Variants in RABGAP1L observed in about 807,000 individuals in gnomAD.
The protein encoded by RABGAP1L is rab GTPase-activating protein 1-like.
A neutral mutation model predicts 137.7 loss-of-function variants in RABGAP1L; 63 were observed. The observed-to-expected ratio is 0.46, with a 90% CI of 0.37 to 0.56. The LOEUF (loss-of-function observed/expected upper bound fraction) is 0.56, where lower values mean the gene tolerates loss of function less well. Among genes scored for constraint, RABGAP1L ranks in the 20% least tolerant of loss-of-function variants. The pLI is 0.00. For missense variants in RABGAP1L, 1,095 were observed against 1,244.0 expected (o/e 0.88, Z 1.80); for synonymous variants, 431 against 433.7 (o/e 0.99, Z 0.08).
intron 13 of RABGAP1L, among the ~76,000 whole-genome samples, chr1:174,621,539 A>T (rs1352443777): frequency 6.6e-6 from 1 of 152,232 alleles, no homozygotes; most frequent in Non-Finnish European, 1.5e-5. Context: ...GAGCCCTCAG[A>T]AGTAACACGG....
chr1:174,815,067 C>G (rs1339327066), intron 19 of RABGAP1L, among the ~76,000 whole-genome samples: 1 of 152,170 alleles, frequency 6.6e-6, no homozygotes, highest in East Asian at 1.9e-4. Flanking sequence ...CTGACCACAA[C>G]CCACTAAATC....
intron 14 of RABGAP1L, among the ~76,000 whole-genome samples, chr1:174,671,963 A>T (rs897674949): frequency 6.6e-6 from 1 of 152,114 alleles, no homozygotes; most frequent in African/African-American, 2.4e-5. Context: ...TTTTGTTGAT[A>T]GGAGACTTTT....
At chr1:174,891,863 A>G (rs1043730356) in intron 19 of RABGAP1L, among the ~76,000 whole-genome samples, 1 of 152,202 alleles carries the variant, frequency 6.6e-6, no homozygotes, top group East Asian at 1.9e-4. Context: ...TATGTTGACT[A>G]TAGAAAATTT....
intron 13 of RABGAP1L, among the ~76,000 whole-genome samples, chr1:174,520,260 A>G (rs943088118): frequency 7.9e-5 from 12 of 152,248 alleles, no homozygotes; most frequent in Non-Finnish European, 1.5e-5. Context: ...AAGCAATTCC[A>G]AGTATTGACT....
At chr1:174,989,817 T>C (rs1042705886) in intron 25 of RABGAP1L, 32 bp from the exon 26 acceptor site, 18 of 1,541,854 alleles carry the variant, frequency 1.2e-5, no homozygotes, top group Non-Finnish European at 1.3e-5. Context: ...AAAACATTTA[T>C]TTAACTCAGA....
At chr1:174,301,363 C>T (rs1036156482) in intron 10 of RABGAP1L, among the ~76,000 whole-genome samples, 13 of 149,412 alleles carry the variant, frequency 8.7e-5, no homozygotes, top group Non-Finnish European at 9.0e-5. Context: ...AACACACCGC[C>T]ATCTGGAATG....
chr1:174,932,002 T>TG (rs1167739106), intron 19 of RABGAP1L, among the ~76,000 whole-genome samples: 1 of 143,224 alleles, frequency 7.0e-6, no homozygotes, highest in Non-Finnish European at 1.5e-5. Context: ...TTTTTTTTTT[T>TG]TTTTTTTTTT....
At chr1:174,307,345 C>T (rs1678380462) in intron 11 of RABGAP1L, among the ~76,000 whole-genome samples, 1 of 152,156 alleles carries the variant, frequency 6.6e-6, no homozygotes, top group African/African-American at 2.4e-5. Flanking sequence ...ACATGTACAA[C>T]TCAGTGGCAT....
In RABGAP1L at chr1:174,515,097, C is replaced by T. The variant is rs901200427; in HGVS notation, c.1710+120952C>T. On this transcript the variant is annotated intron_variant, in intron 13 of 25. Transcript: ENST00000681986. ...TATATTTTTTCCAATTAAAAAAATT[C>T]TCTTAGCAATTTTCAATGCGTTGTT... Among the ~76,000 whole-genome samples, 8 of 151,858 alleles carry T rather than the reference C, an allele frequency of 5.3e-5. 1 individual carries two copies. Among genetic ancestry groups the T allele is most frequent in the Admixed American group, 5.2e-4 (8 of 15,240 alleles).
At chr1:174,517,232 C>T (rs1465064783) in intron 13 of RABGAP1L, among the ~76,000 whole-genome samples, 2 of 152,028 alleles carry the variant, frequency 1.3e-5, no homozygotes, top group Non-Finnish European at 1.5e-5. Flanking sequence ...GTTTTTATTA[C>T]ATTGATGAGT....
chr1:174,276,505 T>C (rs1366795680), intron 9 of RABGAP1L, among the ~76,000 whole-genome samples: 1 of 152,108 alleles, frequency 6.6e-6, no homozygotes, highest in Non-Finnish European at 1.5e-5. Context: ...TATACCACTA[T>C]AGAGTTATTT....
chr1:174,859,972 TTTTTC>T (rs1320625837), intron 19 of RABGAP1L, among the ~76,000 whole-genome samples: 5 of 131,654 alleles, frequency 3.8e-5, no homozygotes, highest in South Asian at 4.8e-4. Flanking sequence ...TTTTTTTTTT[TTTTTC>T]CAAATAAAGT....
At chr1:174,899,773 G>A (rs983454741) in intron 19 of RABGAP1L, among the ~76,000 whole-genome samples, 3 of 151,990 alleles carry the variant, frequency 2.0e-5, no homozygotes, top group African/African-American at 7.3e-5. Context: ...TCATTATAAA[G>A]GTAATATAGA....
chr1:174,213,073 G>C (rs1285278342), intron 1 of RABGAP1L, among the ~76,000 whole-genome samples: 1 of 152,142 alleles, frequency 6.6e-6, no homozygotes, highest in East Asian at 1.9e-4. Context: ...AAAAGCCTGG[G>C]ACCTGATGGC....
chr1:174,675,751 A>G (rs893720643), intron 14 of RABGAP1L, among the ~76,000 whole-genome samples: 37 of 152,204 alleles, frequency 2.4e-4, no homozygotes, highest in Admixed American at 3.9e-4. Context: ...GATTCAGGCC[A>G]CGTGCTGAAT....
intron 4 of RABGAP1L, among the ~76,000 whole-genome samples, chr1:174,238,301 G>A (rs1399673764): frequency 2.6e-5 from 4 of 152,296 alleles, no homozygotes; most frequent in South Asian, 4.1e-4. Context: ...GGTTTGTTCC[G>A]TTGCCGGTGA....
intron 19 of RABGAP1L, among the ~76,000 whole-genome samples, chr1:174,924,953 T>TA (rs1396839835): frequency 6.6e-6 from 1 of 152,094 alleles, no homozygotes; most frequent in Non-Finnish European, 1.5e-5. Context: ...AGTGCAGTGT[T>TA]AAATAGGGTA....
At chr1:174,466,781 T>C (rs1041340488) in intron 13 of RABGAP1L, among the ~76,000 whole-genome samples, 2 of 152,060 alleles carry the variant, frequency 1.3e-5, no homozygotes, top group Non-Finnish European at 2.9e-5. Flanking sequence ...AGCGAGACTT[T>C]ATCCCCGCCC....
At chr1:174,969,484 T>C (rs1669947402) in intron 21 of RABGAP1L, 97 bp downstream of exon 21, 1 of 899,368 alleles carries the variant, frequency 1.1e-6, no homozygotes, top group East Asian at 2.6e-5. Context: ...CTTGACTTTG[T>C]TCTTGAGGAA....
Sources: allele counts gnomAD v4.1 joint callset (sites outside exome capture counted in the v4.1 genomes callset), GRCh38; gene constraint gnomAD v4.1.1; transcripts MANE v1.5; gene names NCBI Gene and HGNC (gene_info 2026-07-23, HGNC 2026-07-21).